PTPRD: variants seen among roughly 807,000 people sequenced by gnomAD.
PTPRD encodes the protein protein tyrosine phosphatase receptor type D.
In PTPRD, 34 loss-of-function variants were observed where a neutral mutation model predicts 214.5. The observed-to-expected ratio is 0.16, with a 90% CI of 0.12 to 0.21. PTPRD has a LOEUF of 0.21. Among genes scored for constraint, PTPRD ranks in the 10% least tolerant of loss-of-function variants. PTPRD has a pLI of 1.00. For synonymous variants in PTPRD, 1,128 were observed against 845.7 expected (o/e 1.33, Z -5.79); for missense variants, 2,545 against 2,398.7 (o/e 1.06, Z -1.27).
At chr9:10,019,031 G>C (rs2096787631) in intron 4 of PTPRD, among the ~76,000 whole-genome samples, 1 of 152,040 alleles carries the variant, frequency 6.6e-6, no homozygotes, top group South Asian at 2.1e-4. Context: ...CTACTCATCT[G>C]ACAAAGGGCT....
intron 7 of PTPRD, among the ~76,000 whole-genome samples, chr9:9,628,472 A>T (rs2095489927): frequency 6.6e-6 from 1 of 151,822 alleles, no homozygotes; most frequent in South Asian, 2.1e-4. Flanking sequence ...CATCTCTTTC[A>T]CTTCTTAGCT....
At chr9:10,248,167 T>C (rs1234558438) in intron 3 of PTPRD, among the ~76,000 whole-genome samples, 1 of 152,100 alleles carries the variant, frequency 6.6e-6, no homozygotes, top group Non-Finnish European at 1.5e-5. Flanking sequence ...CTCAGGTATG[T>C]CTTTATCAGC....
chr9:8,663,399 T>C (rs1192786894), intron 12 of PTPRD, among the ~76,000 whole-genome samples: 1 of 151,752 alleles, frequency 6.6e-6, no homozygotes, highest in Non-Finnish European at 1.5e-5. Flanking sequence ...AAAAAAAATA[T>C]CACTGTCACT....
intron 2 of PTPRD, among the ~76,000 whole-genome samples, chr9:10,376,038 G>T (rs913131503): frequency 1.3e-5 from 2 of 151,990 alleles, no homozygotes; most frequent in East Asian, 1.9e-4. Flanking sequence ...TTTTATCAAA[G>T]ATATTTTACT....
At chr9:10,217,681 T>G (rs1194507748) in intron 3 of PTPRD, among the ~76,000 whole-genome samples, 1 of 151,770 alleles carries the variant, frequency 6.6e-6, no homozygotes. Context: ...CTTGTCAGAG[T>G]AAGGTCACAT....
At chr9:10,473,519 TGTGA>T (rs761592934) in intron 2 of PTPRD, among the ~76,000 whole-genome samples, 13 of 152,060 alleles carry the variant, frequency 8.5e-5, no homozygotes, top group Non-Finnish European at 1.5e-4. Context: ...CATGCGTGAG[TGTGA>T]GTGTGTATGT....
intron 9 of PTPRD, among the ~76,000 whole-genome samples, chr9:9,393,706 G>C (rs1379303994): frequency 6.6e-6 from 1 of 152,140 alleles, no homozygotes; most frequent in Admixed American, 6.5e-5. Context: ...GACTTGGTGA[G>C]TAGTTTAAGC....
intron 12 of PTPRD, among the ~76,000 whole-genome samples, chr9:8,731,475 C>T (rs570183844): frequency 3.3e-5 from 5 of 152,074 alleles, no homozygotes; most frequent in Non-Finnish European, 7.4e-5. Context: ...CAATAAAAGC[C>T]TGAAAAATAT....
At chr9:9,052,962 T>C (rs911414384) in intron 10 of PTPRD, among the ~76,000 whole-genome samples, 5 of 152,198 alleles carry the variant, frequency 3.3e-5, no homozygotes, top group African/African-American at 1.2e-4. Context: ...ACATTCTGGC[T>C]AACTTACTCA....
intron 14 of PTPRD, among the ~76,000 whole-genome samples, chr9:8,604,160 G>C (rs1346631008): frequency 6.6e-6 from 1 of 152,148 alleles, no homozygotes; most frequent in Non-Finnish European, 1.5e-5. Flanking sequence ...ACAAGACATA[G>C]TCTCTAACCT....
intron 9 of PTPRD, among the ~76,000 whole-genome samples, chr9:9,255,300 A>T (rs1248707553): frequency 6.6e-6 from 1 of 152,086 alleles, no homozygotes; most frequent in African/African-American, 2.4e-5. Flanking sequence ...TCAAGGACTG[A>T]CTTAGTCTGT....
intron 5 of PTPRD, among the ~76,000 whole-genome samples, chr9:9,842,609 G>T (rs981248385): frequency 2.0e-5 from 3 of 151,314 alleles, no homozygotes; most frequent in African/African-American, 7.3e-5. Flanking sequence ...TTCTGATTAT[G>T]AAGAAAACTG....
chr9:10,081,336 A>C (rs754754595), intron 3 of PTPRD, among the ~76,000 whole-genome samples: 14 of 152,094 alleles, frequency 9.2e-5, no homozygotes, highest in Non-Finnish European at 1.8e-4. Context: ...TATAAAGAAA[A>C]AGGCAATGGG....
At chr9:10,191,920 C>G (rs562771622) in intron 3 of PTPRD, among the ~76,000 whole-genome samples, 1 of 152,252 alleles carries the variant, frequency 6.6e-6, no homozygotes, top group African/African-American at 2.4e-5. Context: ...AGTATAAGTT[C>G]CCAAGACTCA....
rs182411788 is a variant in PTPRD at position 8,563,083 on chromosome 9, A to C, written c.353-34304T>G. Among the ~76,000 whole-genome samples the C allele has an allele frequency of 1.1e-3, 169 of 152,332 alleles. 1 individual carries two copies. Among genetic ancestry groups the C allele is most frequent in the African/African-American group, 3.9e-3 (162 of 41,578 alleles). On this transcript the variant is annotated intron_variant, in intron 14 of 45. Transcript: ENST00000381196. ...ATAATAAACTACTGATATGTTGAAC[A>C]ACATGAGTGAATATAGAAATAATAA... is the stretch of plus-strand genomic sequence containing the variant.
At chr9:8,906,917 A>G (rs956719336) in intron 11 of PTPRD, among the ~76,000 whole-genome samples, 3 of 152,098 alleles carry the variant, frequency 2.0e-5, no homozygotes, top group Non-Finnish European at 4.4e-5. Flanking sequence ...AGAGGGCCCA[A>G]ACTTTCCATC....
At chr9:9,760,291 G>A (rs141130442) in intron 6 of PTPRD, among the ~76,000 whole-genome samples, 2 of 152,026 alleles carry the variant, frequency 1.3e-5, no homozygotes, top group East Asian at 1.9e-4. Context: ...AGTATTTAAG[G>A]TGTATGATAA....
At chr9:8,635,965 G>A (rs947637809) in intron 13 of PTPRD, among the ~76,000 whole-genome samples, 1 of 152,112 alleles carries the variant, frequency 6.6e-6, no homozygotes, top group African/African-American at 2.4e-5. Flanking sequence ...CATCTTCGCT[G>A]CACTGAGCTC....
At chr9:9,542,368 T>C (rs76195779) in intron 8 of PTPRD, among the ~76,000 whole-genome samples, 5,119 of 151,680 alleles carry the variant, frequency 0.034, 135 homozygotes, top group Non-Finnish European at 0.051. Context: ...TAGGAGAATA[T>C]CTTCAAGCTT....
Sources: gnomAD v4.1 joint callset for allele counts (sites outside exome capture counted in the v4.1 genomes callset) on GRCh38, gnomAD v4.1.1 for gene constraint, MANE v1.5 for transcripts, NCBI Gene and HGNC (gene_info 2026-07-23, HGNC 2026-07-21) for gene names.